Variants in PPL observed in about 807,000 individuals in gnomAD.
PPL encodes 190 kDa paraneoplastic pemphigus antigen.
In PPL, 198 loss-of-function variants were observed where a neutral mutation model predicts 194.4. The observed-to-expected ratio is 1.02, with a 90% CI of 0.91 to 1.15. The LOEUF (loss-of-function observed/expected upper bound fraction) is 1.15. PPL is among the 50% of genes most tolerant of loss of function. PPL has a pLI of 0.00. For synonymous variants in PPL, 1,220 were observed against 972.4 expected, an observed-to-expected ratio of 1.25 and a Z score of -4.74; for missense variants, 2,885 against 2,294.8, an observed-to-expected ratio of 1.26 and a Z score of -5.25.
chr16:4,883,700 T>G lies in PPL; in HGVS notation c.4955A>C (p.Asn1652Thr). Residue 1652 changes from asparagine (N) to threonine (T), a missense_variant, in exon 22 of 22, where the codon AAC becomes ACC. By Grantham distance (65) the Asn-to-Thr change is moderately conservative (BLOSUM62 0). Transcript: ENST00000345988. This position sits in a 1 kb window ranked among gnomAD's most constrained non-coding sequence, Gnocchi z 4.8. ...SVAVKREQRE[N>T]HLRRSIVVIH... ...GACTACGATGGAGCGCCGCAGGTGGTTCTCCCGCTGCTCCCGCTTGACGGC... is the reference window on the plus strand; with the variant it reads ...GACTACGATGGAGCGCCGCAGGTGGGTCTCCCGCTGCTCCCGCTTGACGGC... The G allele has an allele frequency of 1.9e-6, 3 of 1,613,956 alleles. No homozygotes were observed. Among genetic ancestry groups the G allele is most frequent in the Non-Finnish European group, 2.5e-6 (3 of 1,179,978 alleles).
chr16:4,935,525 T>C (rs974543757), intron 1 of PPL, among the ~76,000 whole-genome samples: 3 of 151,552 alleles, frequency 2.0e-5, no homozygotes, highest in African/African-American at 4.9e-5. Context: ...GACGCAGCCA[T>C]GGAGGAGGGG....
At position 4,893,202 on chromosome 16, in the gene PPL, C is replaced by G; in HGVS notation, c.1650+11G>C. On this transcript the variant is annotated intron_variant, in intron 14 of 21. Coordinates refer to ENST00000345988, the MANE Select transcript of PPL (RefSeq NM_002705.5). Reference sequence around the variant, plus strand: ...CCCCCGGCCCCACCTGTGCTCCTGACCCGCAGGTACCTTGAGGTCCTTGGC... The same window carrying G: ...CCCCCGGCCCCACCTGTGCTCCTGAGCCGCAGGTACCTTGAGGTCCTTGGC... 1.3e-6 allele frequency: 2 copies of G among 1,542,814 alleles called. No individual in the cohort carries two copies. The highest frequency in any genetic ancestry group is 1.7e-6 in the Non-Finnish European group (2 of 1,146,528).
At position 4,891,888 on chromosome 16, in the gene PPL, G is replaced by C. The variant is rs34936263; in HGVS notation, c.1891C>G (p.His631Asp). 2.5e-6 allele frequency: 4 copies of C among 1,613,458 alleles called. No homozygotes were observed. The South Asian group carries it at 4.4e-5, about 18-fold the overall frequency. ...LQQSWELLAT[H>D]ENHLNQDDTV... The stretch of plus-strand genomic sequence containing the variant: ...TCATCCTGATTCAGATGGTTCTCGT[G>C]TGTGGCCAGCAACTCCCAGCTCTGC... The change falls in exon 16 of 22, where the codon CAC becomes GAC. Residue 631 changes from histidine to aspartate, a missense_variant. Coordinates refer to ENST00000345988, the MANE Select transcript of PPL (RefSeq NM_002705.5).
At chr16:4,892,898 G>C (rs1017338018) in intron 14 of PPL, 2 of 291,058 alleles carry the variant, frequency 6.9e-6, no homozygotes, top group Admixed American at 9.8e-5. Context: ...AAATACAAAC[G>C]CTAACGTGTT....
At chr16:4,914,421 T>C (rs2088879449) in intron 1 of PPL, among the ~76,000 whole-genome samples, 1 of 152,134 alleles carries the variant, frequency 6.6e-6, no homozygotes, top group South Asian at 2.1e-4. Flanking sequence ...GTGCTGTTGA[T>C]GTTGGGGGCA....
chr16:4,931,937 G>C (rs1052525235), intron 1 of PPL, among the ~76,000 whole-genome samples: 1 of 152,214 alleles, frequency 6.6e-6, no homozygotes, highest in Non-Finnish European at 1.5e-5. Context: ...AACTGGGCAA[G>C]GGATGGAGGG....
intron 1 of PPL, among the ~76,000 whole-genome samples, chr16:4,926,893 C>CAAAA (rs906386976): frequency 1.3e-4 from 14 of 110,392 alleles, no homozygotes; most frequent in African/African-American, 2.4e-4. Flanking sequence ...AAAAAAAAAA[C>CAAAA]AAAAAAAAAC....
chr16:4,888,134 G>A lies in PPL; in HGVS notation c.2482C>T (p.Leu828Phe), dbSNP rs749990084. 90 of 1,613,798 alleles carry A rather than the reference G, an allele frequency of 5.6e-5. 2 individuals are homozygous for A. In the Admixed American group the frequency reaches 1.2e-3, roughly 22 times the overall value. ...RRSHVSKRAR[L>F]QSPATKVKEE... is the part of the protein sequence containing the mutation. ...TTCACTTTGGTGGCAGGAGATTGGA[G>A]CCTGGCTCTCTTGCTCACGTGGCTT... Residue 828 changes from leucine (L) to phenylalanine (F), a missense_variant, in exon 20 of 22, where the codon CTC becomes TTC. Physicochemically the swap from Leu to Phe is conservative, Grantham distance 22. Coordinates refer to ENST00000345988, the MANE Select transcript of PPL (RefSeq NM_002705.5).
At chr16:4,889,517 A>C (rs1378767738) in intron 18 of PPL, among the ~76,000 whole-genome samples, 1 of 151,918 alleles carries the variant, frequency 6.6e-6, no homozygotes, top group Non-Finnish European at 1.5e-5. Flanking sequence ...TCAGCCTCCC[A>C]AAATGCCGGG....
Position 4,883,435 on chromosome 16 carries a change from G to T in PPL, c.5220C>A (p.Asn1740Lys), listed in dbSNP as rs766963878. ...LTPAQYDRYVNKDMSIQELAV... is the reference protein window; with the variant it reads ...LTPAQYDRYVKKDMSIQELAV... The stretch of plus-strand genomic sequence containing the variant: ...CCAGCTCCTGGATGGACATATCCTT[G>T]TTGACATAGCGGTCATACTGAGCAG... The change falls in exon 22 of 22, where the codon AAC becomes AAA. Residue 1740 changes from asparagine to lysine, a missense_variant. Physicochemically the swap from Asn to Lys is moderately conservative, Grantham distance 94. Coordinates refer to ENST00000345988, the MANE Select transcript of PPL (RefSeq NM_002705.5). This position sits in a 1 kb window ranked among gnomAD's most constrained non-coding sequence, Gnocchi z 4.8. The T allele has an allele frequency of 6.2e-7, 1 of 1,614,208 alleles. No homozygotes were observed. Among genetic ancestry groups the T allele is most frequent in the Non-Finnish European group, 8.5e-7 (1 of 1,180,034 alleles).
chr16:4,911,630 G>C (rs1276070044), intron 1 of PPL, among the ~76,000 whole-genome samples: 1 of 152,074 alleles, frequency 6.6e-6, no homozygotes, highest in Non-Finnish European at 1.5e-5. Context: ...TATCTCCCAG[G>C]CTCAAGCAAT....
At chr16:4,886,973 C>A (rs2088228919) in intron 21 of PPL, among the ~76,000 whole-genome samples, 162 bp downstream of exon 21, 1 of 152,240 alleles carries the variant, frequency 6.6e-6, no homozygotes, top group South Asian at 2.1e-4. Context: ...GTTCTCATGT[C>A]AGTAGAAGCA....
chr16:4,900,900 G>C (rs770914699), intron 5 of PPL, 29 bp from the exon 6 acceptor site: 52 of 1,614,026 alleles, frequency 3.2e-5, no homozygotes, highest in Non-Finnish European at 4.2e-5. Flanking sequence ...GCATGGGTCA[G>C]GGCCAGGAAG....
At position 4,883,967 on chromosome 16, in the gene PPL, T is replaced by G. The variant is rs1596540337; in HGVS notation, c.4688A>C (p.Glu1563Ala). The change falls in exon 22 of 22, where the codon GAA becomes GCA. Residue 1563 changes from glutamate to alanine, a missense_variant. Transcript: ENST00000345988. The surrounding 1 kb of genome is among the most constrained non-coding windows in gnomAD (Gnocchi z 4.8). Reference sequence around the variant, plus strand: ...CTCCAGCTGTAATTTGTGGTTCTCTTCCCTCAGAAAGTCTAGTTCCTTGGA... The same window carrying G: ...CTCCAGCTGTAATTTGTGGTTCTCTGCCCTCAGAAAGTCTAGTTCCTTGGA... ...KSSKELDFLR[E>A]ENHKLQLERQ... The G allele has an allele frequency of 1.2e-6, 2 of 1,614,072 alleles. No homozygotes were observed. Among genetic ancestry groups the G allele is most frequent in the East Asian group, 2.2e-5 (1 of 44,870 alleles).
intron 1 of PPL, among the ~76,000 whole-genome samples, chr16:4,925,224 G>A (rs537944744): frequency 7.2e-4 from 110 of 152,302 alleles, no homozygotes; most frequent in Admixed American, 1.2e-3. Context: ...CTCTTCTGGC[G>A]TCCTGCCTGC....
chr16:4,903,205 G>T (rs1480024379), intron 3 of PPL, among the ~76,000 whole-genome samples: 1 of 152,102 alleles, frequency 6.6e-6, no homozygotes, highest in Non-Finnish European at 1.5e-5. Flanking sequence ...TGGAGATAGG[G>T]CATGGGACAA....
chr16:4,891,706 G>T, intron 16 of PPL, 105 bp downstream of exon 16: 4 of 1,418,242 alleles, frequency 2.8e-6, no homozygotes, highest in Non-Finnish European at 3.8e-6. Flanking sequence ...CAAACCTGGG[G>T]AGACTGGATG....
chr16:4,887,334 G>A, intron 20 of PPL, 107 bp from the exon 21 acceptor site: 1 of 843,332 alleles, frequency 1.2e-6, no homozygotes. Flanking sequence ...TGGAATTTGG[G>A]GGTAGAGGCA....
At chr16:4,887,424 C>T (rs2088236896) in intron 20 of PPL, among the ~76,000 whole-genome samples, 197 bp from the exon 21 acceptor site, 1 of 152,082 alleles carries the variant, frequency 6.6e-6, no homozygotes, top group African/African-American at 2.4e-5. Flanking sequence ...GCAGAAGATC[C>T]AGGCCAGGGT....
Sources: gnomAD v4.1 joint callset for allele counts (sites outside exome capture counted in the v4.1 genomes callset) on GRCh38, gnomAD v4.1.1 for gene constraint, Gnocchi (gnomAD v3.1) non-coding constraint, MANE v1.5 for transcripts, NCBI Gene and HGNC (gene_info 2026-07-23, HGNC 2026-07-21) for gene names.